Variants in CDCA2 observed in about 807,000 individuals in gnomAD.
The protein encoded by CDCA2 is cell division cycle associated 2, also known as cell division cycle-associated protein 2.
Under a neutral mutation model 67.0 loss-of-function variants are expected in CDCA2, and 44 were observed. That is an observed-to-expected ratio of 0.66 (90% CI 0.52 to 0.84). The LOEUF (loss-of-function observed/expected upper bound fraction) is 0.84. Among genes scored for constraint, CDCA2 ranks in the 40% least tolerant of loss-of-function variants. The pLI, the probability that CDCA2 is intolerant of heterozygous loss-of-function variation, is 0.00. For synonymous variants in CDCA2, 447 were observed against 418.7 expected, an observed-to-expected ratio of 1.07 and a Z score of -0.82; for missense variants, 1,253 against 1,203.2, an observed-to-expected ratio of 1.04 and a Z score of -0.61.
intron 14 of CDCA2, among the ~76,000 whole-genome samples, chr8:25,506,134 A>G (rs1804666901): frequency 6.6e-6 from 1 of 152,230 alleles, no homozygotes. Context: ...TTTCAGAAGC[A>G]TAATGTTGCC....
At chr8:25,497,511 A>AAAT (rs1554526590) in intron 13 of CDCA2, among the ~76,000 whole-genome samples, 11 of 95,826 alleles carry the variant, frequency 1.1e-4, no homozygotes, top group Admixed American at 2.3e-4. Context: ...AAAAATAAAA[A>AAAT]AAAAAAAAAC....
chr8:25,470,076 G>T (rs1234130305), intron 7 of CDCA2, 96 bp downstream of exon 7: 6 of 783,022 alleles, frequency 7.7e-6, no homozygotes, highest in Non-Finnish European at 1.2e-5. Flanking sequence ...AACTGAAATT[G>T]TTTCCTACTT....
intron 13 of CDCA2, among the ~76,000 whole-genome samples, chr8:25,494,831 T>C (rs1804150510): frequency 6.6e-6 from 1 of 152,070 alleles, no homozygotes; most frequent in South Asian, 2.1e-4. Flanking sequence ...CTGGTGTTCT[T>C]ATAAGAGGAG....
intron 10 of CDCA2, among the ~76,000 whole-genome samples, chr8:25,484,576 C>G (rs944873084): frequency 2.2e-4 from 32 of 148,568 alleles, no homozygotes; most frequent in Admixed American, 2.0e-3. Context: ...AGAGAAAACT[C>G]TAGGTATAGA....
In CDCA2 at chr8:25,506,834, C is replaced by T. The variant is rs1201685492; in HGVS notation, c.2168C>T (p.Ala723Val). The change falls in exon 15 of 15, where the codon GCA becomes GTA. Residue 723 changes from alanine (A) to valine (V), a missense_variant. Physicochemically the swap from Ala to Val is moderately conservative, Grantham distance 64 (BLOSUM62 0). Transcript: ENST00000330560. Reference sequence around the variant, plus strand: ...GCTTCTGTAACTGAAGAACGTGTGGCATCAGATAGTCCCAAACCTGCTCTG... The same window carrying T: ...GCTTCTGTAACTGAAGAACGTGTGGTATCAGATAGTCCCAAACCTGCTCTG... Reference protein sequence around the residue: ...SCASVTEERVASDSPKPALTL... With the variant: ...SCASVTEERVVSDSPKPALTL... 2.5e-6 allele frequency: 4 copies of T among 1,614,016 alleles called. No individual in the cohort carries two copies. In the Admixed American group the frequency reaches 5.0e-5, roughly 20 times the overall value.
chr8:25,477,324 A>AT (rs1803389166), intron 7 of CDCA2, among the ~76,000 whole-genome samples: 1 of 151,812 alleles, frequency 6.6e-6, no homozygotes, highest in Non-Finnish European at 1.5e-5. Flanking sequence ...CTCTTTGTGT[A>AT]TTTTCTTTGC....
chr8:25,506,949 A>C lies in CDCA2; in HGVS notation c.2283A>C (p.Ile761=). The C allele has an allele frequency of 1.2e-6, 2 of 1,613,886 alleles. No homozygotes were observed. The highest frequency in any genetic ancestry group is 1.3e-5 in the African/African-American group (1 of 75,048). ...TTAAAATTTCACCAGATTTAAACAT[A>C]AAGTGTGAAAGAAAGGATGACTTCT... ...QFFKISPDLN[I]KCERKDDFLG... Residue 761 remains isoleucine (I), a synonymous_variant, in exon 15 of 15, where the codon ATA becomes ATC. Transcript: ENST00000330560.
intron 3 of CDCA2, 81 bp downstream of exon 3, chr8:25,460,635 CG>C (rs1219730137): frequency 7.1e-7 from 1 of 1,415,590 alleles, no homozygotes; most frequent in Non-Finnish European, 9.6e-7. Context: ...TTTGTTTATA[CG>C]TACTGTCATA....
At position 25,459,976 on chromosome 8, in the gene CDCA2, G is replaced by A. The variant is rs528990845; in HGVS notation, c.1-264G>A. 5.3e-5 allele frequency among the ~76,000 whole-genome samples: 8 copies of A among 152,268 alleles called. No homozygotes were observed. The South Asian group carries it at 1.7e-3, about 32-fold the overall frequency. On this transcript the variant is annotated intron_variant, in intron 1 of 14. Coordinates refer to ENST00000330560, the MANE Select transcript of CDCA2 (RefSeq NM_152562.4). ...TAATTGGATTGTTTATAACAAAAAGGATAAATATTTGAGATAATGGCTACC... is the reference window on the plus strand; with the variant it reads ...TAATTGGATTGTTTATAACAAAAAGAATAAATATTTGAGATAATGGCTACC...
At chr8:25,465,881 TAGAC>T (rs1802878906) in intron 4 of CDCA2, among the ~76,000 whole-genome samples, 1 of 152,160 alleles carries the variant, frequency 6.6e-6, no homozygotes, top group East Asian at 1.9e-4. Flanking sequence ...AAATTGCAAA[TAGAC>T]AGGTTCCTCC....
chr8:25,504,331 G>C (rs1216035786), intron 14 of CDCA2, among the ~76,000 whole-genome samples: 1 of 148,858 alleles, frequency 6.7e-6, no homozygotes, highest in Non-Finnish European at 1.5e-5. Context: ...GGGTGTCCCT[G>C]AGTTGCCCAG....
intron 8 of CDCA2, among the ~76,000 whole-genome samples, chr8:25,482,657 T>C (rs1263614953): frequency 6.6e-6 from 1 of 152,194 alleles, no homozygotes; most frequent in Non-Finnish European, 1.5e-5. Context: ...TTGCTTGAGC[T>C]CATGGGTTCA....
At position 25,502,050 on chromosome 8, in the gene CDCA2, A is replaced by T. The variant is rs771837962; in HGVS notation, c.1672-1323A>T. On this transcript the variant is annotated intron_variant, in intron 13 of 14. Transcript: ENST00000330560. ...GTAGCTGGGACTACAGGTGCGCACC[A>T]CCACGCCCAGTTAATTTTTGTATTT... Among the ~76,000 whole-genome samples, 79 of 152,242 alleles carry T rather than the reference A, an allele frequency of 5.2e-4. 1 individual carries two copies. The highest frequency in any genetic ancestry group is 2.0e-4 in the Admixed American group (3 of 15,298).
chr8:25,493,606 A>G (rs1416656516), intron 13 of CDCA2, among the ~76,000 whole-genome samples: 1 of 152,254 alleles, frequency 6.6e-6, no homozygotes, highest in Non-Finnish European at 1.5e-5. Context: ...TCTTCAAAAG[A>G]TAACAAAACA....
chr8:25,506,523 A>C lies in CDCA2; in HGVS notation c.1857A>C (p.Ser619=). The C allele has an allele frequency of 6.4e-7, 1 of 1,571,280 alleles. No homozygotes were observed. The highest frequency in any genetic ancestry group is 8.6e-7 in the Non-Finnish European group (1 of 1,166,094). The change falls in exon 15 of 15, where the codon TCA becomes TCC. Residue 619 remains serine, a synonymous_variant. Transcript: ENST00000330560. Reference sequence around the variant, plus strand: ...ACATGCCCATAGGTTATTTCAGTTCAAATGGCAAACTGGAAGAAGTGAAGA... The same window carrying C: ...ACATGCCCATAGGTTATTTCAGTTCCAATGGCAAACTGGAAGAAGTGAAGA... ...IRRLGSGYFS[S]NGKLEEVKTP...
chr8:25,492,428 G>A (rs1804048694), intron 13 of CDCA2, among the ~76,000 whole-genome samples: 1 of 152,192 alleles, frequency 6.6e-6, no homozygotes, highest in Admixed American at 6.5e-5. Context: ...TGAGCAGGGA[G>A]AAGGAGCTGG....
intron 13 of CDCA2, among the ~76,000 whole-genome samples, chr8:25,499,088 A>G (rs1466955788): frequency 6.6e-6 from 1 of 152,090 alleles, no homozygotes; most frequent in Non-Finnish European, 1.5e-5. Context: ...TGATGGGTAC[A>G]TGGGGTTCTG....
chr8:25,473,451 A>T (rs1246138840), intron 7 of CDCA2, among the ~76,000 whole-genome samples: 2 of 152,048 alleles, frequency 1.3e-5, no homozygotes, highest in African/African-American at 4.8e-5. Flanking sequence ...TTCATTTTTC[A>T]AGAGCGTTTA....
chr8:25,488,407 G>A lies in CDCA2; in HGVS notation c.1534-145G>A, dbSNP rs542058909. 623 of 628,366 alleles carry A rather than the reference G, an allele frequency of 9.9e-4. 12 individuals carry two copies. In the South Asian group the frequency reaches 0.026, roughly 27 times the overall value. 38.9% of individuals were successfully genotyped at this position (628,366 alleles called of 1,614,324 possible). A position where few individuals can be genotyped will look rare whatever the true frequency, so the allele number is the denominator to read the frequency against. ...ACCATTTCCACCAATTTTCATCAAA[G>A]TGCTTTTAATAAGGTTTGTGAATTA... On this transcript the variant is annotated intron_variant, in intron 12 of 14. Coordinates refer to ENST00000330560, the MANE Select transcript of CDCA2 (RefSeq NM_152562.4).
Sources: gnomAD v4.1 joint callset for allele counts (sites outside exome capture counted in the v4.1 genomes callset) on GRCh38, gnomAD v4.1.1 for gene constraint, MANE v1.5 for transcripts, NCBI Gene and HGNC (gene_info 2026-07-23, HGNC 2026-07-21) for gene names.